SMAP1: variants seen among roughly 807,000 people sequenced by gnomAD.
SMAP1 encodes the protein stromal membrane-associated protein 1.
In SMAP1, 24 loss-of-function variants were observed where a neutral mutation model predicts 58.5. The observed-to-expected ratio is 0.41, with a 90% CI of 0.30 to 0.58. SMAP1 has a LOEUF of 0.58. SMAP1 is among the 20% of genes least tolerant of loss of function. The probability of loss-of-function intolerance (pLI) is 0.29; values close to 1 mark genes in which losing one functional copy is unlikely to be tolerated. For missense variants in SMAP1, 563 were observed against 566.3 expected, an observed-to-expected ratio of 0.99 and a Z score of 0.06; for synonymous variants, 216 against 196.6, an observed-to-expected ratio of 1.10 and a Z score of -0.82.
At chr6:70,851,068 T>C (rs1771166764) in intron 7 of SMAP1, among the ~76,000 whole-genome samples, 1 of 152,194 alleles carries the variant, frequency 6.6e-6, no homozygotes, top group Non-Finnish European at 1.5e-5. Context: ...GTACTTGATA[T>C]AGATATGTAT....
chr6:70,851,740 AT>A (rs1251541566), intron 7 of SMAP1, among the ~76,000 whole-genome samples: 1 of 152,160 alleles, frequency 6.6e-6, no homozygotes, highest in African/African-American at 2.4e-5. Flanking sequence ...CCGGTTTTGA[AT>A]TCTTGAAATT....
chr6:70,712,559 T>C (rs1033276828), intron 1 of SMAP1, among the ~76,000 whole-genome samples: 1 of 152,210 alleles, frequency 6.6e-6, no homozygotes, highest in Non-Finnish European at 1.5e-5. Flanking sequence ...TGTGAAGCCA[T>C]CTGGTCCTGG....
At chr6:70,757,655 A>T (rs1306652117) in intron 3 of SMAP1, among the ~76,000 whole-genome samples, 6 of 152,210 alleles carry the variant, frequency 3.9e-5, no homozygotes, top group Non-Finnish European at 7.4e-5. Context: ...TCTACAATGA[A>T]CTCAAACAAA....
intron 8 of SMAP1, among the ~76,000 whole-genome samples, chr6:70,854,587 A>C (rs1185521060): frequency 1.3e-5 from 2 of 151,834 alleles, no homozygotes; most frequent in African/African-American, 4.8e-5. Context: ...ACGCCATTGC[A>C]CTCCAGCCTG....
chr6:70,700,691 C>T (rs1253415018), intron 1 of SMAP1, among the ~76,000 whole-genome samples: 2 of 152,142 alleles, frequency 1.3e-5, no homozygotes, highest in Non-Finnish European at 2.9e-5. Flanking sequence ...TCCCCATAGC[C>T]ACCACAGCTG....
chr6:70,813,896 T>C (rs1192450489), intron 6 of SMAP1, among the ~76,000 whole-genome samples: 1 of 152,194 alleles, frequency 6.6e-6, no homozygotes, highest in African/African-American at 2.4e-5. Context: ...TTTATCTTTA[T>C]AATCCAATTT....
intron 1 of SMAP1, among the ~76,000 whole-genome samples, chr6:70,708,921 C>T (rs1450844335): frequency 6.6e-6 from 1 of 152,106 alleles, no homozygotes; most frequent in East Asian, 1.9e-4. Flanking sequence ...GCTGCCTTTT[C>T]ATTTTGTTGA....
chr6:70,824,293 T>G (rs1261039850), intron 6 of SMAP1, among the ~76,000 whole-genome samples: 1 of 152,120 alleles, frequency 6.6e-6, no homozygotes, highest in East Asian at 1.9e-4. Flanking sequence ...ATTTCAGCAG[T>G]CATAAGGTCA....
intron 6 of SMAP1, among the ~76,000 whole-genome samples, chr6:70,807,857 CTT>C (rs1769205397): frequency 6.6e-6 from 1 of 152,154 alleles, no homozygotes; most frequent in Admixed American, 6.5e-5. Context: ...CCTCATATAA[CTT>C]TTGATTCCTC....
At position 70,852,655 on chromosome 6, in the gene SMAP1, C is replaced by T. The variant is rs769153300; in HGVS notation, c.780C>T (p.Pro260=). ...ISNPLPATVM[P]PAQGTPSAPA... ...ATCCCTTACCTGCAACTGTCATGCC[C>T]CCAGCTCAGGTATGTGATAAGAATA... The change falls in exon 8 of 11, where the codon CCC becomes CCT. Residue 260 remains proline (P), a synonymous_variant. Transcript: ENST00000370455. The T allele has an allele frequency of 5.6e-6, 9 of 1,601,256 alleles. 1 individual carries two copies. In the South Asian group the frequency reaches 1.0e-4, roughly 18 times the overall value.
At chr6:70,785,982 T>G (rs992246629) in intron 4 of SMAP1, among the ~76,000 whole-genome samples, 4 of 152,116 alleles carry the variant, frequency 2.6e-5, no homozygotes, top group Non-Finnish European at 5.9e-5. Flanking sequence ...TACCAAAGCC[T>G]GACAGAGACA....
chr6:70,841,380 G>C (rs959828384), intron 7 of SMAP1, among the ~76,000 whole-genome samples: 1 of 152,156 alleles, frequency 6.6e-6, no homozygotes, highest in African/African-American at 2.4e-5. Context: ...TGTATGTGTC[G>C]GGTGCACTGC....
chr6:70,755,982 G>A (rs1273187238), intron 3 of SMAP1, among the ~76,000 whole-genome samples: 1 of 151,962 alleles, frequency 6.6e-6, no homozygotes, highest in African/African-American at 2.4e-5. Context: ...CTTTATGAGT[G>A]GATAGAATTG....
intron 5 of SMAP1, among the ~76,000 whole-genome samples, chr6:70,795,635 T>A (rs1189403920): frequency 2.0e-5 from 3 of 152,134 alleles, no homozygotes; most frequent in Non-Finnish European, 2.9e-5. Flanking sequence ...GGGGATTAGG[T>A]TTTAACATGT....
chr6:70,798,797 T>C, intron 6 of SMAP1, 60 bp downstream of exon 6: 1 of 1,243,728 alleles, frequency 8.0e-7, no homozygotes. Context: ...TATACTTATA[T>C]ATTAATGACT....
At chr6:70,790,837 T>C (rs567352099) in intron 4 of SMAP1, among the ~76,000 whole-genome samples, 43 of 152,332 alleles carry the variant, frequency 2.8e-4, no homozygotes, top group African/African-American at 1.0e-3. Context: ...AGTATAGAGA[T>C]GTCAGTTTTA....
At chr6:70,737,653 G>A (rs1765667988) in intron 2 of SMAP1, among the ~76,000 whole-genome samples, 1 of 152,156 alleles carries the variant, frequency 6.6e-6, no homozygotes, top group Admixed American at 6.5e-5. Flanking sequence ...ATGTGTCTTT[G>A]TAGTGCTGTG....
At chr6:70,699,217 A>AC (rs2149826353) in intron 1 of SMAP1, among the ~76,000 whole-genome samples, 1 of 152,030 alleles carries the variant, frequency 6.6e-6, no homozygotes, top group South Asian at 2.1e-4. Flanking sequence ...CCAGGCAGAG[A>AC]CTCTTGTTTT....
At chr6:70,688,003 G>A (rs1767001803) in intron 1 of SMAP1, among the ~76,000 whole-genome samples, 1 of 152,038 alleles carries the variant, frequency 6.6e-6, no homozygotes, top group Admixed American at 6.5e-5. Flanking sequence ...CCATGAATCT[G>A]TTTTTCACTT....
Sources: gnomAD v4.1 joint callset for allele counts (sites outside exome capture counted in the v4.1 genomes callset) on GRCh38, gnomAD v4.1.1 for gene constraint, MANE v1.5 for transcripts, NCBI Gene and HGNC (gene_info 2026-07-23, HGNC 2026-07-21) for gene names.